SEMA5A: variants seen among roughly 807,000 people sequenced by gnomAD.
The protein encoded by SEMA5A is semaphorin 5A.
A neutral mutation model predicts 135.5 loss-of-function variants in SEMA5A; 55 were observed. The observed-to-expected ratio is 0.41, with a 90% CI of 0.33 to 0.51. The LOEUF is 0.51. Among genes scored for constraint, SEMA5A ranks in the 20% least tolerant of loss-of-function variants. The probability of loss-of-function intolerance (pLI) is 0.37; values close to 1 mark genes in which losing one functional copy is unlikely to be tolerated. For synonymous variants in SEMA5A, 580 were observed against 546.5 expected, an observed-to-expected ratio of 1.06 and a Z score of -0.85; for missense variants, 1,290 against 1,419.9, an observed-to-expected ratio of 0.91 and a Z score of 1.47.
chr5:9,197,014 T>C (rs1435014458), intron 10 of SEMA5A, among the ~76,000 whole-genome samples, 154 bp downstream of exon 10: 1 of 152,168 alleles, frequency 6.6e-6, no homozygotes, highest in Non-Finnish European at 1.5e-5. Flanking sequence ...CTATTGACAT[T>C]AGCCAGCAGA....
chr5:9,275,010 G>GA (rs144567983), intron 5 of SEMA5A, among the ~76,000 whole-genome samples: 151,862 of 152,064 alleles, frequency 1, 75,830 homozygotes, highest in Non-Finnish European at 1. Flanking sequence ...ACAGACACAT[G>GA]AAAACCCCTC....
At chr5:9,306,365 A>T (rs545697120) in intron 5 of SEMA5A, among the ~76,000 whole-genome samples, 9 of 152,284 alleles carry the variant, frequency 5.9e-5, no homozygotes, top group Middle Eastern at 3.4e-3. Flanking sequence ...AATATTTTCC[A>T]CAGACTGGTC....
At chr5:9,093,824 C>G (rs1490645985) in intron 16 of SEMA5A, among the ~76,000 whole-genome samples, 1 of 152,238 alleles carries the variant, frequency 6.6e-6, no homozygotes, top group African/African-American at 2.4e-5. Flanking sequence ...CTGTACACAT[C>G]CTGTAGCCCA....
intron 1 of SEMA5A, among the ~76,000 whole-genome samples, chr5:9,470,151 T>C (rs1415845367): frequency 6.6e-6 from 1 of 152,156 alleles, no homozygotes; most frequent in Non-Finnish European, 1.5e-5. Flanking sequence ...GGTTTTTGAC[T>C]TACAAGGAGA....
intron 16 of SEMA5A, among the ~76,000 whole-genome samples, chr5:9,067,847 A>T (rs762508137): frequency 3.9e-5 from 6 of 152,036 alleles, no homozygotes; most frequent in Non-Finnish European, 8.8e-5. Flanking sequence ...CATAGTTTCC[A>T]TATCTTCATC....
intron 8 of SEMA5A, among the ~76,000 whole-genome samples, chr5:9,223,794 T>C (rs1747141673): frequency 2.0e-5 from 3 of 152,198 alleles, no homozygotes; most frequent in African/African-American, 4.8e-5. Flanking sequence ...CACACATGAA[T>C]GCACAGATAT....
intron 1 of SEMA5A, among the ~76,000 whole-genome samples, chr5:9,462,066 A>G (rs1436432123): frequency 6.6e-6 from 1 of 152,220 alleles, no homozygotes; most frequent in Non-Finnish European, 1.5e-5. Context: ...CCTTGGCTTA[A>G]AGACTTCAAT....
chr5:9,235,775 C>CA (rs1452404486), intron 6 of SEMA5A, among the ~76,000 whole-genome samples: 8 of 152,050 alleles, frequency 5.3e-5, no homozygotes, highest in Non-Finnish European at 7.4e-5. Flanking sequence ...AGGAAAGAGT[C>CA]AAAGTACCAG....
At chr5:9,304,146 G>A (rs544490868) in intron 5 of SEMA5A, among the ~76,000 whole-genome samples, 44 of 152,068 alleles carry the variant, frequency 2.9e-4, no homozygotes, top group Middle Eastern at 3.4e-3. Context: ...AGTTTTCTTG[G>A]ATGCCTGTTT....
At chr5:9,175,876 G>T (rs994744149) in intron 11 of SEMA5A, among the ~76,000 whole-genome samples, 4 of 152,158 alleles carry the variant, frequency 2.6e-5, no homozygotes, top group Admixed American at 6.5e-5. Context: ...TTTGGGGGAT[G>T]AGAATAAGAG....
intron 1 of SEMA5A, among the ~76,000 whole-genome samples, chr5:9,457,755 C>T (rs1306835438): frequency 6.6e-6 from 1 of 151,976 alleles, no homozygotes; most frequent in Admixed American, 6.6e-5. Context: ...TTTTTTTCCT[C>T]CAAACAACTT....
intron 5 of SEMA5A, among the ~76,000 whole-genome samples, chr5:9,263,608 G>T (rs1156562325): frequency 6.6e-6 from 1 of 152,178 alleles, no homozygotes; most frequent in East Asian, 1.9e-4. Context: ...TAAGTCGTTA[G>T]AACTCTTGTA....
intron 1 of SEMA5A, among the ~76,000 whole-genome samples, chr5:9,541,448 A>G (rs1738085420): frequency 6.6e-6 from 1 of 152,212 alleles, no homozygotes; most frequent in Non-Finnish European, 1.5e-5. Context: ...TGGGCTCATG[A>G]CCTTTCAATA....
At chr5:9,069,202 C>T (rs1737641524) in intron 16 of SEMA5A, among the ~76,000 whole-genome samples, 1 of 152,212 alleles carries the variant, frequency 6.6e-6, no homozygotes, top group Non-Finnish European at 1.5e-5. Context: ...TTCTTGCCAT[C>T]TGGGAATGGT....
intron 8 of SEMA5A, among the ~76,000 whole-genome samples, chr5:9,217,683 G>T (rs1030652993): frequency 6.6e-6 from 1 of 152,144 alleles, no homozygotes; most frequent in Non-Finnish European, 1.5e-5. Context: ...ATTCTCAAAG[G>T]TTTTGTTCAT....
At chr5:9,150,868 T>A (rs149050154) in intron 12 of SEMA5A, among the ~76,000 whole-genome samples, 2 of 152,234 alleles carry the variant, frequency 1.3e-5, no homozygotes, top group African/African-American at 4.8e-5. Flanking sequence ...TGACCAGCTC[T>A]GCCTCTCAGT....
At chr5:9,394,170 GC>G (rs1196220394) in intron 2 of SEMA5A, among the ~76,000 whole-genome samples, 1 of 152,036 alleles carries the variant, frequency 6.6e-6, no homozygotes, top group East Asian at 1.9e-4. Flanking sequence ...CCAGGATCAA[GC>G]CCCCAGTGGA....
rs1561207749 is a variant in SEMA5A, at chr5:9,384,603, G to GATAGATAC, written c.-77-4581_-77-4580insGTATCTAT. Among the ~76,000 whole-genome samples the GATAGATAC allele has an allele frequency of 2.8e-3, 297 of 106,906 alleles. 1 individual carries two copies. The highest frequency in any genetic ancestry group is 4.2e-3 in the Non-Finnish European group (205 of 48,660). The allele number at this position is 106,906 out of a possible 152,430, so 70.1% of individuals were successfully genotyped here. On this transcript the variant is annotated intron_variant, in intron 2 of 22. Transcript: ENST00000382496. ...AGATAGATAGATAGATAGATAGATA[G>GATAGATAC]ATAGATAGATAGATACATAGATAGA...
rs145668887 is a variant in SEMA5A at position 9,455,844 on chromosome 5, C to G, written c.-174-17992G>C. 3.7e-3 allele frequency among the ~76,000 whole-genome samples: 558 copies of G among 152,274 alleles called. 2 individuals carry two copies. Among genetic ancestry groups the G allele is most frequent in the African/African-American group, 0.012 (517 of 41,542 alleles). ...GACAACATGAAAGGAAGGCTTACGACCCACTAAAATTTTGAACTGAAAAGC... is the reference window on the plus strand; with the variant it reads ...GACAACATGAAAGGAAGGCTTACGAGCCACTAAAATTTTGAACTGAAAAGC... On this transcript the variant is annotated intron_variant, in intron 1 of 22. Coordinates refer to ENST00000382496, the MANE Select transcript of SEMA5A (RefSeq NM_003966.3).
Sources: gnomAD v4.1 joint callset for allele counts (sites outside exome capture counted in the v4.1 genomes callset) on GRCh38, gnomAD v4.1.1 for gene constraint, MANE v1.5 for transcripts, NCBI Gene and HGNC (gene_info 2026-07-23, HGNC 2026-07-21) for gene names.